ULK4: variants seen among roughly 807,000 people sequenced by gnomAD.
The protein encoded by ULK4 is unc-51 like kinase 4.
A neutral mutation model predicts 160.6 loss-of-function variants in ULK4; 133 were observed. The ratio of observed to expected loss-of-function variants is 0.83; its 90% CI spans 0.72 to 0.96. The LOEUF is 0.96. ULK4 is among the 40% of genes least tolerant of loss of function. ULK4 has a pLI of 0.00. For synonymous variants in ULK4, 534 were observed against 539.8 expected (o/e 0.99, Z 0.15); for missense variants, 1,580 against 1,499.5 (o/e 1.05, Z -0.89).
At chr3:41,636,180 G>GAT (rs1285874079) in intron 30 of ULK4, among the ~76,000 whole-genome samples, 4 of 152,170 alleles carry the variant, frequency 2.6e-5, no homozygotes, top group Non-Finnish European at 5.9e-5. Flanking sequence ...CAGTGAGGAG[G>GAT]AAATAAGGTT....
chr3:41,566,365 T>C (rs2087783193), intron 31 of ULK4, among the ~76,000 whole-genome samples: 1 of 152,174 alleles, frequency 6.6e-6, no homozygotes, highest in African/African-American at 2.4e-5. Context: ...CAGACTTCCC[T>C]GCCCATGAGC....
intron 35 of ULK4, among the ~76,000 whole-genome samples, chr3:41,326,144 G>T (rs924354797): frequency 6.6e-6 from 1 of 152,196 alleles, no homozygotes; most frequent in East Asian, 1.9e-4. Context: ...GCAGGGGGGG[G>T]CTCCCCAAGA....
At chr3:41,348,942 A>T (rs2080858302) in intron 35 of ULK4, among the ~76,000 whole-genome samples, 1 of 152,138 alleles carries the variant, frequency 6.6e-6, no homozygotes, top group Admixed American at 6.6e-5. Flanking sequence ...GTCACTTAGA[A>T]CCAGGTCTCC....
At chr3:41,698,308 T>A (rs2036564927) in intron 27 of ULK4, among the ~76,000 whole-genome samples, 1 of 152,160 alleles carries the variant, frequency 6.6e-6, no homozygotes, top group Non-Finnish European at 1.5e-5. Flanking sequence ...TTCTCTTTTT[T>A]AGAAATGGGG....
At chr3:41,802,289 T>C (rs2040485594) in intron 19 of ULK4, among the ~76,000 whole-genome samples, 1 of 152,186 alleles carries the variant, frequency 6.6e-6, no homozygotes, top group African/African-American at 2.4e-5. Flanking sequence ...ATTTTAAACA[T>C]AAGCTGCAGC....
chr3:41,877,488 G>A (rs764351096), intron 17 of ULK4, among the ~76,000 whole-genome samples: 22 of 151,756 alleles, frequency 1.4e-4, no homozygotes, highest in South Asian at 6.3e-4. Flanking sequence ...CACTATGCTC[G>A]GCTAATTTTT....
chr3:41,654,683 G>A (rs1335973589), intron 30 of ULK4, among the ~76,000 whole-genome samples: 1 of 152,150 alleles, frequency 6.6e-6, no homozygotes, highest in South Asian at 2.1e-4. Context: ...TTTTATGCTT[G>A]CGTTATCCCG....
intron 19 of ULK4, among the ~76,000 whole-genome samples, chr3:41,806,407 C>G (rs1259228542): frequency 4.6e-5 from 7 of 152,116 alleles, no homozygotes; most frequent in African/African-American, 7.2e-5. Flanking sequence ...AGTGGTCTAT[C>G]AGTTTTGTTG....
At chr3:41,368,003 T>C (rs2081285873) in intron 35 of ULK4, among the ~76,000 whole-genome samples, 1 of 152,146 alleles carries the variant, frequency 6.6e-6, no homozygotes, top group South Asian at 2.1e-4. Flanking sequence ...TTTGCTCGTG[T>C]ATATTCCAAG....
At chr3:41,361,270 A>T (rs1330645210) in intron 35 of ULK4, among the ~76,000 whole-genome samples, 2 of 152,206 alleles carry the variant, frequency 1.3e-5, no homozygotes, top group Non-Finnish European at 2.9e-5. Context: ...CTGAGAGAGA[A>T]GATGATAGGC....
At chr3:41,706,376 A>AT (rs1491573804) in intron 25 of ULK4, among the ~76,000 whole-genome samples, 4 of 145,122 alleles carry the variant, frequency 2.8e-5, no homozygotes, top group African/African-American at 1.0e-4. Context: ...TATATATTTA[A>AT]TATATATATT....
At chr3:41,944,549 C>G (rs1418134793) in intron 2 of ULK4, among the ~76,000 whole-genome samples, 2 of 152,140 alleles carry the variant, frequency 1.3e-5, no homozygotes, top group Admixed American at 1.3e-4. Flanking sequence ...CTCCTTGATA[C>G]AGCAAAACTC....
chr3:41,386,524 A>G (rs1353926926), intron 35 of ULK4, among the ~76,000 whole-genome samples: 1 of 152,166 alleles, frequency 6.6e-6, no homozygotes, highest in Non-Finnish European at 1.5e-5. Context: ...GTATAAGAAC[A>G]GAGGGAGAAT....
At chr3:41,846,665 C>T (rs1388765573) in intron 17 of ULK4, among the ~76,000 whole-genome samples, 1 of 152,042 alleles carries the variant, frequency 6.6e-6, no homozygotes, top group Admixed American at 6.6e-5. Context: ...ATTCCCCAGG[C>T]ATGGTGACAC....
In ULK4 at chr3:41,515,089, C is replaced by T. The variant is rs1439874873; in HGVS notation, c.3226+50936G>A. Among the ~76,000 whole-genome samples the T allele has an allele frequency of 2.0e-5, 3 of 151,446 alleles. No individual in the cohort carries two copies. In the East Asian group the frequency reaches 5.8e-4, roughly 29 times the overall value. ...CTGGCCAGCCTGATGAAACCCTGTC[C>T]CTACTAAAAATACAAAAATTAGCTG... On this transcript the variant is annotated intron_variant, in intron 32 of 36. Coordinates refer to ENST00000301831, the MANE Select transcript of ULK4 (RefSeq NM_017886.4).
chr3:41,637,059 C>T (rs1043531542), intron 30 of ULK4, among the ~76,000 whole-genome samples: 3 of 152,006 alleles, frequency 2.0e-5, no homozygotes, highest in African/African-American at 7.3e-5. Context: ...TATACATTAT[C>T]TTCTTGTGGT....
intron 17 of ULK4, among the ~76,000 whole-genome samples, chr3:41,865,271 TAAAAAAAAAAA>T (rs55741060): frequency 4.4e-4 from 13 of 29,870 alleles, no homozygotes; most frequent in Admixed American, 4.0e-3. Flanking sequence ...ACTCTGTCTT[TAAAAAAAAAAA>T]AAAAAAAAAA....
At chr3:41,811,858 C>G (rs1254595910) in intron 19 of ULK4, among the ~76,000 whole-genome samples, 1 of 152,128 alleles carries the variant, frequency 6.6e-6, no homozygotes, top group Non-Finnish European at 1.5e-5. Flanking sequence ...AAGCTATAAT[C>G]TTATACTGAG....
intron 31 of ULK4, among the ~76,000 whole-genome samples, chr3:41,597,978 GA>G (rs1240486044): frequency 1.3e-5 from 2 of 152,158 alleles, no homozygotes; most frequent in African/African-American, 4.8e-5. Flanking sequence ...ATAACTTTCT[GA>G]AAAAACTCAT....
Sources: gnomAD v4.1 joint callset for allele counts (sites outside exome capture counted in the v4.1 genomes callset) on GRCh38, gnomAD v4.1.1 for gene constraint, MANE v1.5 for transcripts, NCBI Gene and HGNC (gene_info 2026-07-23, HGNC 2026-07-21) for gene names.